The following ACKR3 variants were observed in gnomAD, a reference collection of about 807,000 sequenced individuals.
ACKR3 encodes atypical chemokine receptor 3, also known as C-X-C chemokine receptor type 7.
In ACKR3, 6 loss-of-function variants were observed where a neutral mutation model predicts 22.4. The ratio of observed to expected loss-of-function variants is 0.27; its 90% CI spans 0.15 to 0.53. ACKR3 has a LOEUF of 0.53. Among genes scored for constraint, ACKR3 ranks in the 20% least tolerant of loss-of-function variants. The pLI is 0.96. For synonymous variants in ACKR3, 209 were observed against 205.2 expected, an observed-to-expected ratio of 1.02 and a Z score of -0.16; for missense variants, 396 against 475.2, an observed-to-expected ratio of 0.83 and a Z score of 1.55.
chr2:236,571,325 C>T (rs1691304031), intron 1 of ACKR3, among the ~76,000 whole-genome samples: 1 of 152,126 alleles, frequency 6.6e-6, no homozygotes, highest in South Asian at 2.1e-4. Flanking sequence ...GCCACAACCT[C>T]CAGGAGATTG....
chr2:236,546,317 G>A, the ACKR3 span, among the ~76,000 whole-genome samples: 1 of 152,102 alleles, frequency 6.6e-6, no homozygotes, highest in Admixed American at 6.6e-5. This position sits in a 1 kb window ranked among gnomAD's most constrained non-coding sequence, Gnocchi z 4.9. Flanking sequence ...CCCACTCACT[G>A]ACACACACCT....
At chr2:236,575,101 C>G (rs1000430473) in intron 1 of ACKR3, among the ~76,000 whole-genome samples, 1 of 152,042 alleles carries the variant, frequency 6.6e-6, no homozygotes, top group Non-Finnish European at 1.5e-5. Context: ...TTTGTTCTCC[C>G]TTGGGTCTCT....
the ACKR3 span, among the ~76,000 whole-genome samples, chr2:236,555,535 A>T: frequency 6.6e-6 from 1 of 152,212 alleles, no homozygotes; most frequent in Non-Finnish European, 1.5e-5. Flanking sequence ...CCTGGTCATG[A>T]AACTAAGAAG....
chr2:236,557,080 A>C, the ACKR3 span, among the ~76,000 whole-genome samples: 1 of 152,230 alleles, frequency 6.6e-6, no homozygotes, highest in Non-Finnish European at 1.5e-5. Flanking sequence ...CTGAGCAAAT[A>C]AATAATTATA....
chr2:236,553,579 C>A, the ACKR3 span, among the ~76,000 whole-genome samples: 6 of 152,250 alleles, frequency 3.9e-5, no homozygotes, highest in Non-Finnish European at 7.3e-5. Context: ...GTCACAGATG[C>A]AGAAGCACCT....
chr2:236,566,904 CTCTT>C (rs907648533), upstream of ACKR3, among the ~76,000 whole-genome samples: 11 of 145,070 alleles, frequency 7.6e-5, no homozygotes, highest in African/African-American at 2.5e-4. Flanking sequence ...CTGTCTCTCC[CTCTT>C]TCTTTCTTTC....
At chr2:236,556,514 A>G in the ACKR3 span, among the ~76,000 whole-genome samples, 1 of 152,280 alleles carries the variant, frequency 6.6e-6, no homozygotes, top group South Asian at 2.1e-4. Context: ...GGATGCAAGC[A>G]GAGGTTGGAG....
chr2:236,564,336 C>T (rs186645822), upstream of ACKR3, among the ~76,000 whole-genome samples: 21 of 152,336 alleles, frequency 1.4e-4, no homozygotes, highest in Admixed American at 1.0e-3. Context: ...GGATCCTGCT[C>T]CCACTCTGTG....
chr2:236,573,548 A>G (rs941851800), intron 1 of ACKR3, among the ~76,000 whole-genome samples: 1 of 152,240 alleles, frequency 6.6e-6, no homozygotes, highest in African/African-American at 2.4e-5. Context: ...TGTAGGACAC[A>G]GGTCTCACAC....
At chr2:236,572,587 G>A (rs753267132) in intron 1 of ACKR3, among the ~76,000 whole-genome samples, 12 of 152,192 alleles carry the variant, frequency 7.9e-5, no homozygotes, top group Non-Finnish European at 1.3e-4. Flanking sequence ...TTAGGGCGGG[G>A]GTGAGGAGGC....
the ACKR3 span, among the ~76,000 whole-genome samples, chr2:236,545,259 C>T: frequency 6.6e-6 from 1 of 152,132 alleles, no homozygotes; most frequent in African/African-American, 2.4e-5. The surrounding 1 kb of genome is among the most constrained non-coding windows in gnomAD (Gnocchi z 5.3). Context: ...GCTCTGTCGC[C>T]CAAGGGAGTT....
At chr2:236,545,701 C>CGG in the ACKR3 span, among the ~76,000 whole-genome samples, 2 of 152,180 alleles carry the variant, frequency 1.3e-5, no homozygotes, top group Non-Finnish European at 2.9e-5. This position sits in a 1 kb window ranked among gnomAD's most constrained non-coding sequence, Gnocchi z 5.3. Context: ...GTATATGACA[C>CGG]GGAATCTCTT....
At chr2:236,569,313 A>G (rs904620821), upstream of ACKR3, among the ~76,000 whole-genome samples, 1 of 152,222 alleles carries the variant, frequency 6.6e-6, no homozygotes, top group Admixed American at 6.5e-5. Context: ...GCATCGATTC[A>G]TTGGTCATAC....
the ACKR3 span, among the ~76,000 whole-genome samples, chr2:236,549,518 G>A: frequency 6.6e-6 from 1 of 152,224 alleles, no homozygotes; most frequent in Non-Finnish European, 1.5e-5. This position sits in a 1 kb window ranked among gnomAD's most constrained non-coding sequence, Gnocchi z 5.3. Context: ...ACTAAGTGGT[G>A]TGTCTGGTCT....
chr2:236,562,043 G>C, the ACKR3 span, among the ~76,000 whole-genome samples: 1 of 152,174 alleles, frequency 6.6e-6, no homozygotes, highest in Non-Finnish European at 1.5e-5. Context: ...TCCTTGCTTT[G>C]TTCTCCATTT....
Position 236,581,434 on chromosome 2 carries a change from G to A in ACKR3, c.969G>A (p.Arg323=), listed in dbSNP as rs141760300. ...ACAGCTTCATCAATCGCAACTACAG[G>A]TACGAGCTGATGAAGGCCTTCATCT... ...VLYSFINRNY[R]YELMKAFIFK... Residue 323 remains arginine (R), a synonymous_variant, in exon 2 of 2, where the codon AGG becomes AGA. Transcript: ENST00000272928. The surrounding 1 kb of genome is among the most constrained non-coding windows in gnomAD (Gnocchi z 4.4). 1.6e-5 allele frequency: 26 copies of A among 1,614,014 alleles called. No individual in the cohort carries two copies. The highest frequency in any genetic ancestry group is 2.2e-5 in the East Asian group (1 of 44,892).
chr2:236,571,764 C>G (rs1276933659), intron 1 of ACKR3, among the ~76,000 whole-genome samples: 1 of 151,772 alleles, frequency 6.6e-6, no homozygotes, highest in African/African-American at 2.4e-5. Context: ...AAACCTGAGG[C>G]TGAAGGGCAG....
At chr2:236,578,457 G>A (rs922561713) in intron 1 of ACKR3, among the ~76,000 whole-genome samples, 6 of 152,350 alleles carry the variant, frequency 3.9e-5, no homozygotes, top group South Asian at 2.1e-4. Context: ...CAGGCCTCCC[G>A]CTGCAGGACC....
chr2:236,561,158 G>A, the ACKR3 span, among the ~76,000 whole-genome samples: 1 of 152,288 alleles, frequency 6.6e-6, no homozygotes, highest in East Asian at 1.9e-4. Context: ...GAGTTTGGGG[G>A]ATGGGAATTA....
Sources: allele counts gnomAD v4.1 joint callset (sites outside exome capture counted in the v4.1 genomes callset), GRCh38; gene constraint gnomAD v4.1.1; non-coding constraint Gnocchi (gnomAD v3.1); transcripts MANE v1.5; gene names NCBI Gene and HGNC (gene_info 2026-07-23, HGNC 2026-07-21).